The following ARHGAP44 variants were observed in gnomAD, a reference collection of about 807,000 sequenced individuals.
ARHGAP44 encodes the protein Rho GTPase activating protein 44.
ARHGAP44 carries 43 observed loss-of-function variants against 106.8 expected under a neutral mutation model. The observed-to-expected ratio is 0.40, with a 90% CI of 0.32 to 0.52. The LOEUF (loss-of-function observed/expected upper bound fraction) is 0.52. Ranked by LOEUF, ARHGAP44 falls within the 20% of genes least tolerant of loss-of-function variation. The pLI is 0.48. For synonymous variants in ARHGAP44, 439 were observed against 410.3 expected (o/e 1.07, Z -0.85); for missense variants, 866 against 1,050.5 (o/e 0.82, Z 2.43).
At chr17:12,953,349 C>A (rs531384310) in intron 13 of ARHGAP44, among the ~76,000 whole-genome samples, 1 of 152,200 alleles carries the variant, frequency 6.6e-6, no homozygotes, top group Non-Finnish European at 1.5e-5. Flanking sequence ...GCACCCATCC[C>A]GGCCCTGCCG....
At chr17:12,873,271 CT>C (rs2036454099) in intron 1 of ARHGAP44, among the ~76,000 whole-genome samples, 1 of 152,184 alleles carries the variant, frequency 6.6e-6, no homozygotes, top group Non-Finnish European at 1.5e-5. Context: ...CCATTTCAGA[CT>C]TTTCCCATGT....
chr17:12,985,870 G>A (rs1036417617), intron 20 of ARHGAP44: 7 of 152,216 alleles, frequency 4.6e-5, no homozygotes, highest in Non-Finnish European at 8.8e-5. Context: ...GGCAGCTTGG[G>A]TTGGAACACA....
chr17:12,955,411 G>A (rs150752995), intron 13 of ARHGAP44, among the ~76,000 whole-genome samples: 20 of 152,208 alleles, frequency 1.3e-4, no homozygotes, highest in Middle Eastern at 3.4e-3. Flanking sequence ...GTCTGTGTTG[G>A]ACTTTTTCTT....
At chr17:12,976,106 G>A (rs1222699897) in intron 18 of ARHGAP44, among the ~76,000 whole-genome samples, 1 of 152,094 alleles carries the variant, frequency 6.6e-6, no homozygotes, top group Non-Finnish European at 1.5e-5. Flanking sequence ...AGAAGACATG[G>A]CATTCCTCCA....
chr17:12,974,851 A>AG (rs2039635746), intron 18 of ARHGAP44, among the ~76,000 whole-genome samples: 1 of 92,696 alleles, frequency 1.1e-5, no homozygotes, highest in Admixed American at 1.2e-4. Context: ...GGTGTCTCTC[A>AG]ATTTTTTTTT....
At chr17:12,973,630 C>T in intron 17 of ARHGAP44, 1 of 512,106 alleles carries the variant, frequency 2.0e-6, no homozygotes, top group Non-Finnish European at 3.4e-6. Context: ...TAGATGTCTC[C>T]TGCTGTCAGT....
At chr17:12,821,706 CA>C (rs2034775570) in intron 1 of ARHGAP44, among the ~76,000 whole-genome samples, 1 of 152,074 alleles carries the variant, frequency 6.6e-6, no homozygotes, top group Admixed American at 6.6e-5. Flanking sequence ...TTCTTTCTTC[CA>C]AAAGGAAGCA....
At chr17:12,952,876 C>T (rs890704577) in intron 13 of ARHGAP44, among the ~76,000 whole-genome samples, 4 of 151,928 alleles carry the variant, frequency 2.6e-5, no homozygotes, top group African/African-American at 7.2e-5. Flanking sequence ...TATAGGCACC[C>T]ACCACCACGC....
At chr17:12,834,904 A>G (rs1007717516) in intron 1 of ARHGAP44, among the ~76,000 whole-genome samples, 7 of 152,212 alleles carry the variant, frequency 4.6e-5, no homozygotes, top group Admixed American at 4.6e-4. Flanking sequence ...TATATCTACC[A>G]TGTTAGATTA....
intron 19 of ARHGAP44, 42 bp from the exon 20 acceptor site, chr17:12,984,489 A>G (rs752085587): frequency 1.3e-6 from 2 of 1,500,336 alleles, no homozygotes; most frequent in East Asian, 2.3e-5. Context: ...GCTTCATTCA[A>G]CAACTTTGTG....
rs546904909 is a variant in ARHGAP44, at chr17:12,935,197, CAAAAAG to C, written c.583-5857_583-5852del. 1.4e-4 allele frequency among the ~76,000 whole-genome samples: 21 copies of C among 152,132 alleles called. No homozygotes were observed. The East Asian group carries it at 2.9e-3, about 21-fold the overall frequency. ...ATGTTGAAGATAATAATAAAATACT[CAAAAAG>C]AGAACACTTTAAAAAAATATTTACT... On this transcript the variant is annotated intron_variant, in intron 7 of 20. Coordinates refer to ENST00000379672, the MANE Select transcript of ARHGAP44 (RefSeq NM_014859.6).
chr17:12,986,673 C>CAAAAAAAAAAAAAAAAAAAAAAAAAAA (rs1045890803), intron 20 of ARHGAP44: 3 of 18,366 alleles, frequency 1.6e-4, no homozygotes, highest in Non-Finnish European at 1.9e-4. Flanking sequence ...GACTCCATCT[C>CAAAAAAAAAAAAAAAAAAAAAAAAAAA]AAAAAAAAAA....
chr17:12,847,112 A>G (rs1261417392), intron 1 of ARHGAP44, among the ~76,000 whole-genome samples: 1 of 152,128 alleles, frequency 6.6e-6, no homozygotes, highest in Non-Finnish European at 1.5e-5. Context: ...GATTTTCCTA[A>G]TTTGATAGGT....
chr17:12,871,829 C>T (rs887940647), intron 1 of ARHGAP44, among the ~76,000 whole-genome samples: 1 of 152,082 alleles, frequency 6.6e-6, no homozygotes, highest in East Asian at 1.9e-4. Flanking sequence ...TAAGATGTGC[C>T]TGTTTCCCCT....
chr17:12,800,568 C>T (rs1402456255), intron 1 of ARHGAP44, among the ~76,000 whole-genome samples: 6 of 152,234 alleles, frequency 3.9e-5, no homozygotes, highest in Admixed American at 2.6e-4. Context: ...GGAAGTGACG[C>T]GTGCCACTTC....
At chr17:12,849,449 G>A (rs2035673313) in intron 1 of ARHGAP44, among the ~76,000 whole-genome samples, 1 of 151,936 alleles carries the variant, frequency 6.6e-6, no homozygotes, top group Non-Finnish European at 1.5e-5. Flanking sequence ...TTGTGGCTGG[G>A]CTTGTTCACC....
chr17:12,954,837 G>T (rs979115097), intron 13 of ARHGAP44, among the ~76,000 whole-genome samples: 1 of 151,904 alleles, frequency 6.6e-6, no homozygotes, highest in Non-Finnish European at 1.5e-5. Flanking sequence ...TTCTTTGTTG[G>T]CTCTTTTTAT....
intron 6 of ARHGAP44, among the ~76,000 whole-genome samples, chr17:12,921,127 C>T (rs570099606): frequency 1.3e-5 from 2 of 150,268 alleles, no homozygotes; most frequent in South Asian, 2.1e-4. Context: ...AGTGCAGTGG[C>T]GCGGTCTCTG....
intron 1 of ARHGAP44, among the ~76,000 whole-genome samples, chr17:12,851,992 C>T (rs2035757811): frequency 6.6e-6 from 1 of 151,276 alleles, no homozygotes; most frequent in Non-Finnish European, 1.5e-5. Flanking sequence ...TTATTTCGCT[C>T]TGGTTTGAAG....
Sources: gnomAD v4.1 joint callset for allele counts (sites outside exome capture counted in the v4.1 genomes callset) on GRCh38, gnomAD v4.1.1 for gene constraint, MANE v1.5 for transcripts, NCBI Gene and HGNC (gene_info 2026-07-23, HGNC 2026-07-21) for gene names.